The following IKBIP variants were observed in gnomAD, a reference collection of about 807,000 sequenced individuals.
IKBIP encodes inhibitor of nuclear factor kappa-B kinase-interacting protein.
In IKBIP, 28 loss-of-function variants were observed where a neutral mutation model predicts 31.0. That is an observed-to-expected ratio of 0.90 (90% confidence interval 0.67 to 1.24). The LOEUF (loss-of-function observed/expected upper bound fraction) is 1.24. Ranked by LOEUF, IKBIP falls within the 50% of genes most tolerant of loss-of-function variation. IKBIP has a pLI of 0.00. For missense variants in IKBIP, 453 were observed against 441.9 expected (o/e 1.03, Z -0.23); for synonymous variants, 164 against 160.3 (o/e 1.02, Z -0.17).
chr12:98,629,786 A>G (rs1172518658), intron 2 of IKBIP, among the ~76,000 whole-genome samples: 1 of 152,198 alleles, frequency 6.6e-6, no homozygotes, highest in Admixed American at 6.5e-5. Flanking sequence ...TAGGAGGTTC[A>G]TCAGAGCCTC....
chr12:98,621,645 G>A (rs2097610216), downstream of IKBIP, among the ~76,000 whole-genome samples: 1 of 152,200 alleles, frequency 6.6e-6, no homozygotes, highest in Non-Finnish European at 1.5e-5. Flanking sequence ...GGTCTACAGT[G>A]TGACTGCAAG....
At chr12:98,632,483 G>GGA (rs1246465286) in intron 2 of IKBIP, among the ~76,000 whole-genome samples, 1 of 11,562 alleles carries the variant, frequency 8.6e-5, no homozygotes, top group African/African-American at 2.9e-4. Context: ...GACTCTATCT[G>GGA]AAAAAAAAAA....
chr12:98,640,165 G>A (rs567812372), intron 1 of IKBIP, among the ~76,000 whole-genome samples: 3 of 152,154 alleles, frequency 2.0e-5, no homozygotes, highest in African/African-American at 7.2e-5. Context: ...GGCCAGGCAC[G>A]GTGGCTCACG....
rs753548005 is a variant in IKBIP, at chr12:98,626,404, TTCTTG to T, written c.655_659del (p.Gln219ArgfsTer14). 1.9e-6 allele frequency: 3 copies of T among 1,613,574 alleles called. No individual in the cohort carries two copies. The highest frequency in any genetic ancestry group is 8.5e-7 in the Non-Finnish European group (1 of 1,180,012). On this transcript the variant is annotated frameshift_variant, in exon 3 of 3. Transcript: ENST00000299157. LOFTEE classifies it high-confidence loss of function. ...CCTCTACTCGCAGGAGATCTTCTTCTTCTTGTCTTTTTACTGTTCTAATATTTCTT... is the reference window on the plus strand; with the variant it reads ...CCTCTACTCGCAGGAGATCTTCTTCTTCTTTTTACTGTTCTAATATTTCTT...
rs745348129 is a variant in IKBIP, at chr12:98,644,657, G to T, written c.45C>A (p.Ala15=). The T allele has an allele frequency of 3.7e-6, 6 of 1,610,960 alleles. No individual in the cohort carries two copies. Among genetic ancestry groups the T allele is most frequent in the Non-Finnish European group, 5.1e-6 (6 of 1,179,256 alleles). ...KSRKKSGPKG[A]PAAEPGKRSE... is the part of the protein sequence containing the mutation. ...TCCGCTTCCCGGGCTCCGCAGCAGG[G>T]GCTCCCTTGGGCCCCGACTTCTTCC... The change falls in exon 1 of 3, where the codon GCC becomes GCA. Residue 15 remains alanine (A), a synonymous_variant. Transcript: ENST00000299157.
At chr12:98,641,800 G>T (rs944729652) in intron 1 of IKBIP, among the ~76,000 whole-genome samples, 1 of 144,438 alleles carries the variant, frequency 6.9e-6, no homozygotes, top group Admixed American at 6.9e-5. Flanking sequence ...GGACTACAGC[G>T]AATGCCACCA....
intron 1 of IKBIP, among the ~76,000 whole-genome samples, chr12:98,643,375 C>G (rs1418369197): frequency 1.3e-5 from 2 of 152,106 alleles, no homozygotes; most frequent in African/African-American, 4.8e-5. Flanking sequence ...TTCTATCACT[C>G]TGGAAGATTA....
intron 1 of IKBIP, among the ~76,000 whole-genome samples, chr12:98,635,686 T>C (rs1297571802): frequency 1.3e-5 from 2 of 152,212 alleles, no homozygotes; most frequent in African/African-American, 4.8e-5. Context: ...GAGTCGTCTA[T>C]AAAAAGTATT....
At chr12:98,635,022 T>A (rs1019172327) in intron 1 of IKBIP, among the ~76,000 whole-genome samples, 2 of 147,636 alleles carry the variant, frequency 1.4e-5, no homozygotes, top group Admixed American at 1.4e-4. Flanking sequence ...TTTTTTTTTT[T>A]TAGATGGAGT....
At position 98,640,326 on chromosome 12, in the gene IKBIP, C is replaced by T. The variant is rs2097629299; in HGVS notation, c.179+4197G>A. Among the ~76,000 whole-genome samples the T allele has an allele frequency of 2.6e-5, 4 of 151,900 alleles. No individual in the cohort carries two copies. The South Asian group carries it at 8.3e-4, about 32-fold the overall frequency. On this transcript the variant is annotated intron_variant, in intron 1 of 2. Coordinates refer to ENST00000299157, the MANE Select transcript of IKBIP (RefSeq NM_153687.4). ...GCGCACACCTGTAATCCCAGCTACT[C>T]GGGAGGCTGAGGCAGGAGAATTGCT... is the stretch of plus-strand genomic sequence containing the variant.
At position 98,625,974 on chromosome 12, in the gene IKBIP, T is replaced by C; in HGVS notation, c.1090A>G (p.Lys364Glu). The C allele has an allele frequency of 6.9e-7, 1 of 1,455,678 alleles. No individual in the cohort carries two copies. The highest frequency in any genetic ancestry group is 9.2e-7 in the Non-Finnish European group (1 of 1,087,580). 90.2% of individuals were successfully genotyped at this position (1,455,678 alleles called of 1,614,324 possible). ...CCTTTATTTTCTATATTATATTCTT[T>C]TAAAGTTCCCTTTTCTCCTGTACTT... is the stretch of plus-strand genomic sequence containing the variant. ...YSSTGEKGTL[K>E]EYNIENKGIG... is the part of the protein sequence containing the mutation. The change falls in exon 3 of 3, where the codon AAA (lysine) becomes GAA (glutamate). Residue 364 changes from lysine to glutamate, a missense_variant. Transcript: ENST00000299157.
At chr12:98,622,175 G>C (rs2097610683), downstream of IKBIP, among the ~76,000 whole-genome samples, 1 of 151,848 alleles carries the variant, frequency 6.6e-6, no homozygotes, top group African/African-American at 2.4e-5. Context: ...TGAAGTGTTA[G>C]TTCTCTCCTC....
chr12:98,618,567 A>C (rs1488397284), intron 2 of IKBIP, among the ~76,000 whole-genome samples: 2 of 151,498 alleles, frequency 1.3e-5, no homozygotes, highest in Non-Finnish European at 2.9e-5. Flanking sequence ...CGGAGCTTGC[A>C]GTGAGCCGAG....
intron 1 of IKBIP, among the ~76,000 whole-genome samples, chr12:98,639,424 C>G (rs543156059): frequency 6.6e-6 from 1 of 152,146 alleles, no homozygotes; most frequent in Non-Finnish European, 1.5e-5. Context: ...AAATAACTCT[C>G]GTTTTTGGGC....
rs780704448 is a variant in IKBIP at position 98,625,908 on chromosome 12, CA to C, written c.*21del. 7.3e-7 allele frequency: 1 copy of C among 1,374,514 alleles called. No homozygotes were observed. Among genetic ancestry groups the C allele is most frequent in the South Asian group, 1.9e-5 (1 of 53,516 alleles). 85.1% of individuals were successfully genotyped at this position (1,374,514 alleles called of 1,614,324 possible). A position where few individuals can be genotyped will look rare whatever the true frequency, so the allele number is the denominator to read the frequency against. Reference sequence around the variant, plus strand: ...TCAATTTATGTATAATGATATGGTTCATCAGAATAAATGTCATGAATTTAAA... The same window carrying C: ...TCAATTTATGTATAATGATATGGTTCTCAGAATAAATGTCATGAATTTAAA... On this transcript the variant is annotated 3_prime_UTR_variant, in exon 3 of 3. Coordinates refer to ENST00000299157, the MANE Select transcript of IKBIP (RefSeq NM_153687.4).
intron 2 of IKBIP, among the ~76,000 whole-genome samples, chr12:98,630,618 C>T (rs779182372): frequency 2.6e-5 from 4 of 152,070 alleles, no homozygotes; most frequent in Non-Finnish European, 5.9e-5. Context: ...CACTTAAAAT[C>T]GTAGTTTCCA....
intron 2 of IKBIP, among the ~76,000 whole-genome samples, chr12:98,633,507 A>ATTATTTTT (rs1555211700): frequency 1.0e-5 from 1 of 96,464 alleles, no homozygotes. Flanking sequence ...TTTTTTTTTA[A>ATTATTTTT]TTCTTTTTTT....
At chr12:98,631,526 C>T (rs1249016046) in intron 2 of IKBIP, among the ~76,000 whole-genome samples, 1 of 151,390 alleles carries the variant, frequency 6.6e-6, no homozygotes, top group Admixed American at 6.6e-5. Context: ...GGTGATCCAC[C>T]CACCTCGGCC....
chr12:98,628,914 C>A lies in IKBIP; in HGVS notation c.298-2148G>T, dbSNP rs112700040. Among the ~76,000 whole-genome samples, 1,000 of 152,144 alleles carry A rather than the reference C, an allele frequency of 6.6e-3. 13 individuals are homozygous for A. The highest frequency in any genetic ancestry group is 0.023 in the African/African-American group (941 of 41,500). On this transcript the variant is annotated intron_variant, in intron 2 of 2. Transcript: ENST00000299157. ...AAAAATCACAGTAGATTATAAGTAG[C>A]GTCACAAAAGAATTAGCACAGGGGG...
Sources: allele counts gnomAD v4.1 joint callset (sites outside exome capture counted in the v4.1 genomes callset), GRCh38; gene constraint gnomAD v4.1.1; transcripts MANE v1.5; gene names NCBI Gene and HGNC (gene_info 2026-07-23, HGNC 2026-07-21).